Variants in FNDC3A observed in about 807,000 individuals in gnomAD.
FNDC3A encodes fibronectin type-III domain-containing protein 3A.
FNDC3A carries 32 observed loss-of-function variants against 148.9 expected under a neutral mutation model. That is an observed-to-expected ratio of 0.21 (90% confidence interval 0.16 to 0.29). The LOEUF (loss-of-function observed/expected upper bound fraction) is 0.29. Ranked by LOEUF, FNDC3A falls within the 10% of genes least tolerant of loss-of-function variation. The pLI is 1.00. For synonymous variants in FNDC3A, 472 were observed against 473.6 expected, an observed-to-expected ratio of 1.00 and a Z score of 0.04; for missense variants, 1,191 against 1,452.8, an observed-to-expected ratio of 0.82 and a Z score of 2.93.
At chr13:49,031,663 C>A (rs975883074) in intron 2 of FNDC3A, among the ~76,000 whole-genome samples, 1 of 151,850 alleles carries the variant, frequency 6.6e-6, no homozygotes, top group Non-Finnish European at 1.5e-5. Context: ...AAAATAAGAG[C>A]TAAATTGTAA....
At chr13:49,167,777 A>C (rs1052508272) in intron 9 of FNDC3A, among the ~76,000 whole-genome samples, 3 of 152,194 alleles carry the variant, frequency 2.0e-5, no homozygotes, top group Non-Finnish European at 4.4e-5. Context: ...CCAAAAAAAA[A>C]ACATTTAACT....
intron 23 of FNDC3A, chr13:49,201,290 C>G (rs1356251236): frequency 6.2e-6 from 1 of 162,074 alleles, no homozygotes; most frequent in African/African-American, 2.4e-5. Context: ...AAAAACGTCA[C>G]CAAGTCAACT....
intron 2 of FNDC3A, among the ~76,000 whole-genome samples, chr13:49,019,030 CT>C (rs1459446832): frequency 6.6e-6 from 1 of 152,240 alleles, no homozygotes; most frequent in Non-Finnish European, 1.5e-5. Flanking sequence ...ACATTTAAGT[CT>C]GCAGAGGTTA....
At chr13:48,988,881 A>G (rs1421957658) in intron 1 of FNDC3A, among the ~76,000 whole-genome samples, 16 of 151,964 alleles carry the variant, frequency 1.1e-4, no homozygotes, top group Admixed American at 1.0e-3. Context: ...GCTTATAGTA[A>G]TTTATAAGTT....
intron 2 of FNDC3A, among the ~76,000 whole-genome samples, chr13:49,068,371 A>AAATT (rs147226026): frequency 2.0e-5 from 3 of 152,124 alleles, no homozygotes; most frequent in South Asian, 2.1e-4. Flanking sequence ...TATAAAAAAT[A>AAATT]AATTAATTAA....
At chr13:49,051,929 C>T (rs1043381397) in intron 2 of FNDC3A, among the ~76,000 whole-genome samples, 10 of 152,050 alleles carry the variant, frequency 6.6e-5, no homozygotes, top group African/African-American at 2.4e-4. Context: ...TGTCTTCAGG[C>T]TCTGAAGTTC....
chr13:49,104,411 C>A (rs1274258358), intron 3 of FNDC3A, among the ~76,000 whole-genome samples: 2 of 152,138 alleles, frequency 1.3e-5, no homozygotes, highest in Admixed American at 6.5e-5. Flanking sequence ...GTAGTCCCAG[C>A]TACTCGGGAT....
chr13:49,080,186 A>G (rs764750593), intron 3 of FNDC3A, among the ~76,000 whole-genome samples: 3 of 152,096 alleles, frequency 2.0e-5, no homozygotes, highest in South Asian at 2.1e-4. Flanking sequence ...ATCATTTTCT[A>G]TTGTCCCATA....
intron 3 of FNDC3A, among the ~76,000 whole-genome samples, chr13:49,113,132 C>A (rs1045460676): frequency 1.3e-4 from 20 of 150,234 alleles, no homozygotes; most frequent in African/African-American, 4.2e-4. Flanking sequence ...CTCTCCCTCC[C>A]TTCTTGTCTT....
At chr13:49,081,988 A>C (rs1321793929) in intron 3 of FNDC3A, among the ~76,000 whole-genome samples, 1 of 151,398 alleles carries the variant, frequency 6.6e-6, no homozygotes, top group African/African-American at 2.4e-5. Flanking sequence ...TTTTTTAACA[A>C]AAATAAAAAC....
At chr13:48,993,400 A>G (rs1951956869) in intron 1 of FNDC3A, among the ~76,000 whole-genome samples, 1 of 152,248 alleles carries the variant, frequency 6.6e-6, no homozygotes, top group African/African-American at 2.4e-5. Context: ...CCTGCAGGTC[A>G]TTCTGATACA....
intron 1 of FNDC3A, among the ~76,000 whole-genome samples, chr13:49,002,984 C>G (rs766077294): frequency 6.6e-6 from 1 of 152,148 alleles, no homozygotes; most frequent in Non-Finnish European, 1.5e-5. Context: ...AAGTGATTTA[C>G]GAATTTTCAT....
chr13:49,026,584 G>A (rs112266995), intron 2 of FNDC3A, among the ~76,000 whole-genome samples: 1,659 of 152,216 alleles, frequency 0.011, 35 homozygotes, highest in African/African-American at 0.037. Context: ...GCTCACTGCA[G>A]CCTCAGTCTC....
chr13:49,143,117 C>A (rs1253253261), intron 7 of FNDC3A, among the ~76,000 whole-genome samples: 1 of 152,196 alleles, frequency 6.6e-6, no homozygotes, highest in East Asian at 1.9e-4. Flanking sequence ...ATCTGCCCAC[C>A]TCGGCCTCCC....
intron 2 of FNDC3A, among the ~76,000 whole-genome samples, chr13:49,031,244 T>C (rs1334572930): frequency 2.0e-5 from 3 of 151,998 alleles, no homozygotes; most frequent in African/African-American, 7.2e-5. Context: ...AAAATTAGCA[T>C]GGTGGTGTGC....
intron 8 of FNDC3A, among the ~76,000 whole-genome samples, chr13:49,153,177 C>T (rs1883427581): frequency 6.6e-6 from 1 of 151,470 alleles, no homozygotes; most frequent in Admixed American, 6.6e-5. Context: ...CTCTCCAGCA[C>T]CTGTTGTTTC....
intron 2 of FNDC3A, among the ~76,000 whole-genome samples, chr13:49,057,968 C>G (rs900144157): frequency 6.6e-6 from 1 of 152,066 alleles, no homozygotes; most frequent in Non-Finnish European, 1.5e-5. Context: ...GTCCTAACCC[C>G]TAGTACCTCA....
chr13:49,167,329 T>TG, intron 9 of FNDC3A, 26 bp downstream of exon 9: 1 of 1,430,768 alleles, frequency 7.0e-7, no homozygotes, highest in Non-Finnish European at 9.7e-7. Context: ...AGATTGCCTT[T>TG]ATAAGATACA....
At chr13:49,145,296 G>C (rs1473158349) in intron 7 of FNDC3A, among the ~76,000 whole-genome samples, 1 of 152,050 alleles carries the variant, frequency 6.6e-6, no homozygotes. Context: ...CCCCTATCCA[G>C]TAGATGAAAA....
Sources: allele counts gnomAD v4.1 joint callset (sites outside exome capture counted in the v4.1 genomes callset), GRCh38; gene constraint gnomAD v4.1.1; transcripts MANE v1.5; gene names NCBI Gene and HGNC (gene_info 2026-07-23, HGNC 2026-07-21).